The following ATP5F1C variants were observed in gnomAD, a reference collection of about 807,000 sequenced individuals.
The protein encoded by ATP5F1C is ATP synthase F1 subunit gamma, also known as ATP synthase F(1) complex subunit gamma, mitochondrial.
Under a neutral mutation model 37.4 loss-of-function variants are expected in ATP5F1C, and 22 were observed. That is an observed-to-expected ratio of 0.59 (90% CI 0.42 to 0.84). The LOEUF (loss-of-function observed/expected upper bound fraction) is 0.84, where lower values mean the gene tolerates loss of function less well. Among genes scored for constraint, ATP5F1C ranks in the 40% least tolerant of loss-of-function variants. The probability of loss-of-function intolerance (pLI) is 0.00; values close to 1 mark genes in which losing one functional copy is unlikely to be tolerated. For synonymous variants in ATP5F1C, 121 were observed against 128.0 expected (o/e 0.95, Z 0.37); for missense variants, 286 against 362.4 (o/e 0.79, Z 1.71).
At chr10:7,799,953 A>G in intron 5 of ATP5F1C, 38 bp downstream of exon 5, 1 of 1,606,216 alleles carries the variant, frequency 6.2e-7, no homozygotes, top group Non-Finnish European at 8.5e-7. Flanking sequence ...TTTTATGTTC[A>G]TGCTTTTGTT....
intron 5 of ATP5F1C, 47 bp downstream of exon 5, chr10:7,799,962 T>C: frequency 6.2e-7 from 1 of 1,606,324 alleles, no homozygotes. Flanking sequence ...CATGCTTTTG[T>C]TCATATTTTG....
chr10:7,796,489 A>G (rs1290562929), intron 2 of ATP5F1C: 1 of 192,442 alleles, frequency 5.2e-6, no homozygotes, highest in Admixed American at 5.8e-5. Context: ...GCAACTTTCA[A>G]TACCATTTAA....
In ATP5F1C at chr10:7,802,797, C is replaced by T. The variant is rs756323559; in HGVS notation, c.833C>T (p.Thr278Ile). 1.2e-6 allele frequency: 2 copies of T among 1,613,926 alleles called. No homozygotes were observed. Among genetic ancestry groups the T allele is most frequent in the African/African-American group, 1.3e-5 (1 of 75,012 alleles). Residue 278 changes from threonine (T) to isoleucine (I), a missense_variant, in exon 8 of 10, where the codon ACC (threonine) becomes ATC (isoleucine). Transcript: ENST00000356708. The part of the protein sequence containing the change: ...IDKLTLTFNR[T>I]RQAVITKELI... ...AAATTGACATTGACATTCAACCGTA[C>T]CCGCCAAGCTGTCATCACAAAAGAG...
intron 8 of ATP5F1C, among the ~76,000 whole-genome samples, chr10:7,803,627 A>G (rs762452): frequency 0.35 from 52,879 of 152,032 alleles, 9,219 homozygotes; most frequent in South Asian, 0.44. Context: ...GAAAAACTTT[A>G]ATGTTTATGA....
intron 8 of ATP5F1C, 88 bp downstream of exon 8, chr10:7,802,942 T>A: frequency 8.2e-7 from 1 of 1,224,806 alleles, no homozygotes; most frequent in Non-Finnish European, 1.2e-6. Flanking sequence ...TTTTCGTTTT[T>A]TTCTTTTGAA....
chr10:7,788,966 G>A (rs1836107676), intron 1 of ATP5F1C, among the ~76,000 whole-genome samples: 1 of 151,930 alleles, frequency 6.6e-6, no homozygotes, highest in Non-Finnish European at 1.5e-5. Flanking sequence ...ATTGCCCCCA[G>A]GTCCTGGGGG....
intron 2 of ATP5F1C, 41 bp downstream of exon 2, chr10:7,796,196 C>T: frequency 6.5e-7 from 1 of 1,527,918 alleles, no homozygotes; most frequent in South Asian, 1.2e-5. Context: ...TTGAGAAAAA[C>T]TAAATTTTGA....
chr10:7,788,196 G>A lies in ATP5F1C; in HGVS notation c.-12G>A, dbSNP rs930770735. ...GCCTGCCTGACCGACCTTCAGCAGG[G>A]CTGTGGCTACCATGTTCTCTCGCGC... On this transcript the variant is annotated 5_prime_UTR_variant, in exon 1 of 10. Coordinates refer to ENST00000356708, the MANE Select transcript of ATP5F1C (RefSeq NM_001001973.3). 1.2e-6 allele frequency: 2 copies of A among 1,613,054 alleles called. No homozygotes were observed. Among genetic ancestry groups the A allele is most frequent in the Non-Finnish European group, 8.5e-7 (1 of 1,179,884 alleles).
intron 8 of ATP5F1C, among the ~76,000 whole-genome samples, chr10:7,803,400 C>T (rs1836409053): frequency 6.6e-6 from 1 of 152,186 alleles, no homozygotes; most frequent in Non-Finnish European, 1.5e-5. Flanking sequence ...AATAAAATAG[C>T]ACAGTACTAC....
At chr10:7,796,831 A>G (rs947382203) in intron 2 of ATP5F1C, 29 of 374,688 alleles carry the variant, frequency 7.7e-5, no homozygotes, top group South Asian at 3.8e-4. Flanking sequence ...TGATCCGCCC[A>G]CCTCAGCCTC....
intron 6 of ATP5F1C, 49 bp from the exon 7 acceptor site, chr10:7,802,221 A>C: frequency 1.3e-6 from 2 of 1,538,112 alleles, no homozygotes; most frequent in Non-Finnish European, 1.7e-6. Context: ...TTGATGAATT[A>C]CTATTCCTTC....
At chr10:7,796,345 C>A in intron 2 of ATP5F1C, 190 bp downstream of exon 2, 2 of 468,486 alleles carry the variant, frequency 4.3e-6, no homozygotes, top group Non-Finnish European at 7.7e-6. Flanking sequence ...CCTGAGACAG[C>A]TATGTTCTGT....
intron 1 of ATP5F1C, among the ~76,000 whole-genome samples, chr10:7,792,022 G>A (rs1294791542): frequency 3.3e-5 from 5 of 152,164 alleles, no homozygotes; most frequent in African/African-American, 9.7e-5. Context: ...TGAAGTGTCT[G>A]CCTAAAACAA....
In ATP5F1C at chr10:7,802,260, G is replaced by C; in HGVS notation, c.638-10G>C. 6.3e-7 allele frequency: 1 copy of C among 1,596,998 alleles called. No homozygotes were observed. Among genetic ancestry groups the C allele is most frequent in the Middle Eastern group, 1.7e-4 (1 of 5,944 alleles). Reference sequence around the variant, plus strand: ...ATAACTTGAAAGAAACTCATCACTTGTTTTAACAGACAGCATGAGTATCTA... The same window carrying C: ...ATAACTTGAAAGAAACTCATCACTTCTTTTAACAGACAGCATGAGTATCTA... On this transcript the variant is annotated splice_polypyrimidine_tract_variant and intron_variant, in intron 6 of 9. Coordinates refer to ENST00000356708, the MANE Select transcript of ATP5F1C (RefSeq NM_001001973.3).
chr10:7,797,168 G>T lies in ATP5F1C; in HGVS notation c.213G>T (p.Leu71Phe). ...RELKPARIYG[L>F]GSLALYEKAD... ...TGAAACCAGCTCGAATATATGGATTGGGATCTTTAGGTAAGGGAAGAGTGT... is the reference window on the plus strand; with the variant it reads ...TGAAACCAGCTCGAATATATGGATTTGGATCTTTAGGTAAGGGAAGAGTGT... Residue 71 changes from leucine to phenylalanine, a missense_variant, in exon 3 of 10, where the codon TTG becomes TTT. By Grantham distance (22) the Leu-to-Phe change is conservative. Coordinates refer to ENST00000356708, the MANE Select transcript of ATP5F1C (RefSeq NM_001001973.3). 6.2e-7 allele frequency: 1 copy of T among 1,613,810 alleles called. No homozygotes were observed. Among genetic ancestry groups the T allele is most frequent in the Non-Finnish European group, 8.5e-7 (1 of 1,179,836 alleles).
At chr10:7,791,472 G>A (rs1270507265) in intron 1 of ATP5F1C, among the ~76,000 whole-genome samples, 1 of 152,108 alleles carries the variant, frequency 6.6e-6, no homozygotes, top group South Asian at 2.1e-4. Flanking sequence ...AAGTTTTTAT[G>A]TATCTTAATA....
chr10:7,796,784 C>T (rs1395283960), intron 2 of ATP5F1C: 1 of 222,280 alleles, frequency 4.5e-6, no homozygotes, highest in Non-Finnish European at 8.8e-6. Flanking sequence ...CGGGGTTTCA[C>T]CGTGTTAGCC....
intron 1 of ATP5F1C, among the ~76,000 whole-genome samples, chr10:7,793,502 A>G (rs2131057495): frequency 6.6e-6 from 1 of 152,156 alleles, no homozygotes; most frequent in African/African-American, 2.4e-5. Flanking sequence ...GCATTTTAAG[A>G]GTTGTTTGTT....
chr10:7,788,188 T>G lies in ATP5F1C; in HGVS notation c.-20T>G. Reference sequence around the variant, plus strand: ...GCGCTGAGGCCTGCCTGACCGACCTTCAGCAGGGCTGTGGCTACCATGTTC... The same window carrying G: ...GCGCTGAGGCCTGCCTGACCGACCTGCAGCAGGGCTGTGGCTACCATGTTC... On this transcript the variant is annotated 5_prime_UTR_variant, in exon 1 of 10. Transcript: ENST00000356708. 6.2e-7 allele frequency: 1 copy of G among 1,612,788 alleles called. No individual in the cohort carries two copies. The highest frequency in any genetic ancestry group is 2.2e-5 in the East Asian group (1 of 44,870).
Sources: allele counts gnomAD v4.1 joint callset (sites outside exome capture counted in the v4.1 genomes callset), GRCh38; gene constraint gnomAD v4.1.1; transcripts MANE v1.5; gene names NCBI Gene and HGNC (gene_info 2026-07-23, HGNC 2026-07-21).